The following ZIM2 variants were observed in gnomAD, a reference collection of about 807,000 sequenced individuals.
The protein encoded by ZIM2 is zinc finger imprinted 2, also known as zinc finger protein 656.
Under a neutral mutation model 38.6 loss-of-function variants are expected in ZIM2, and 14 were observed. The ratio of observed to expected loss-of-function variants is 0.36; its 90% CI spans 0.24 to 0.57. ZIM2 has a LOEUF of 0.57. Ranked by LOEUF, ZIM2 falls within the 20% of genes least tolerant of loss-of-function variation. ZIM2 has a pLI of 0.81. For synonymous variants in ZIM2, 247 were observed against 245.8 expected (o/e 1.00, Z -0.04); for missense variants, 680 against 695.1 (o/e 0.98, Z 0.24).
intron 8 of ZIM2, 147 bp downstream of exon 8, chr19:56,818,453 C>T: frequency 1.2e-6 from 1 of 850,388 alleles, no homozygotes; most frequent in South Asian, 1.9e-5. Flanking sequence ...TCATTTACTC[C>T]CTCATTTGAA....
At chr19:56,781,138 TC>T (rs1258144780) in intron 11 of ZIM2, among the ~76,000 whole-genome samples, 2 of 152,170 alleles carry the variant, frequency 1.3e-5, no homozygotes, top group African/African-American at 4.8e-5. Flanking sequence ...AAAATGTACT[TC>T]CTTGTAACCG....
chr19:56,823,825 GC>G, intron 4 of ZIM2, 146 bp from the exon 5 acceptor site: 1 of 987,872 alleles, frequency 1.0e-6, no homozygotes. Flanking sequence ...AAACCCTTCA[GC>G]GGCTTCCAAC....
chr19:56,813,686 G>A, intron 9 of ZIM2: 2 of 1,612,654 alleles, frequency 1.2e-6, no homozygotes, highest in South Asian at 1.1e-5. Context: ...CAGCCAGTGT[G>A]GGTATTCTGG....
At chr19:56,815,044 C>A in intron 9 of ZIM2, 8 of 1,614,174 alleles carry the variant, frequency 5.0e-6, no homozygotes, top group Non-Finnish European at 5.9e-6. Context: ...GTCAACCAGG[C>A]ACTTCCTGCT....
At chr19:56,790,928 T>G (rs1325095789) in intron 9 of ZIM2, 1 of 152,166 alleles carries the variant, frequency 6.6e-6, no homozygotes, top group East Asian at 1.9e-4. Context: ...TATTTTTCAC[T>G]CGTTGATCTA....
intron 10 of ZIM2, among the ~76,000 whole-genome samples, chr19:56,783,554 T>C (rs1040673292): frequency 6.6e-6 from 1 of 152,206 alleles, no homozygotes; most frequent in Non-Finnish European, 1.5e-5. Context: ...ACCATTATCC[T>C]AAGCGAACTA....
intron 9 of ZIM2, chr19:56,816,539 TCTC>T (rs1421658651): frequency 5.6e-6 from 9 of 1,613,742 alleles, no homozygotes; most frequent in Non-Finnish European, 7.6e-6. Flanking sequence ...TGAAGGAAAG[TCTC>T]CCCACACACC....
chr19:56,777,296 C>T (rs1423537694), intron 12 of ZIM2, among the ~76,000 whole-genome samples: 1 of 152,190 alleles, frequency 6.6e-6, no homozygotes, highest in East Asian at 1.9e-4. Flanking sequence ...CACTCAAGAA[C>T]GGAAGAGTAA....
intron 9 of ZIM2, chr19:56,817,404 A>G: frequency 6.2e-7 from 1 of 1,614,084 alleles, no homozygotes; most frequent in Non-Finnish European, 8.5e-7. Flanking sequence ...TCCAGTTATC[A>G]TCTGACATTC....
At chr19:56,798,192 A>G (rs1355937759) in intron 9 of ZIM2, 1 of 152,226 alleles carries the variant, frequency 6.6e-6, no homozygotes, top group African/African-American at 2.4e-5. Flanking sequence ...ATCAGGGCAA[A>G]CAAAGTTTAG....
intron 9 of ZIM2, among the ~76,000 whole-genome samples, chr19:56,790,364 AAAAATATTTAATGG>A (rs1409150752): frequency 6.6e-6 from 1 of 152,218 alleles, no homozygotes; most frequent in Non-Finnish European, 1.5e-5. Flanking sequence ...ATTGGGGGTC[AAAAATATTTAATGG>A]AAAATTCCAG....
Position 56,775,271 on chromosome 19 carries a change from T to C in ZIM2, c.1094A>G (p.Lys365Arg). ...GGCTACTTGCGTACTAAAGGTTCGT[T>C]TGCAAAATTCACATCTGTTGTGTTT... ...ENKHNRCEFC[K>R]RTFSTQVALR... The change falls in exon 13 of 13, where the codon AAA becomes AGA. Residue 365 changes from lysine to arginine, a missense_variant. Physicochemically the swap from Lys to Arg is conservative, Grantham distance 26. Transcript: ENST00000629319. 1 of 1,614,142 alleles carries C rather than the reference T, an allele frequency of 6.2e-7. No homozygotes were observed.
At chr19:56,794,748 G>A (rs1222331750) in intron 9 of ZIM2, among the ~76,000 whole-genome samples, 1 of 152,066 alleles carries the variant, frequency 6.6e-6, no homozygotes, top group African/African-American at 2.4e-5. Context: ...AAGCCCACAG[G>A]CCTAGTTTAA....
chr19:56,804,526 G>C (rs1011332612), intron 9 of ZIM2, among the ~76,000 whole-genome samples: 8 of 152,180 alleles, frequency 5.3e-5, no homozygotes, highest in Admixed American at 5.2e-4. Flanking sequence ...CCTACCTAAT[G>C]GTTATTTCCT....
chr19:56,834,885 G>C (rs558424339), intron 2 of ZIM2, among the ~76,000 whole-genome samples: 1 of 152,228 alleles, frequency 6.6e-6, no homozygotes, highest in African/African-American at 2.4e-5. Flanking sequence ...TTCACTTCTG[G>C]AGACTCTAAG....
intron 12 of ZIM2, among the ~76,000 whole-genome samples, chr19:56,775,957 T>C (rs1308570313): frequency 6.6e-6 from 1 of 151,774 alleles, no homozygotes; most frequent in Non-Finnish European, 1.5e-5. Flanking sequence ...AAAAATTAAC[T>C]GGGCATGGTG....
intron 10 of ZIM2, among the ~76,000 whole-genome samples, chr19:56,782,921 A>G (rs2145866362): frequency 6.6e-6 from 1 of 152,194 alleles, no homozygotes; most frequent in South Asian, 2.1e-4. Context: ...ATTATTGACT[A>G]TAGACTCCCT....
intron 10 of ZIM2, among the ~76,000 whole-genome samples, chr19:56,783,778 G>C (rs929206092): frequency 1.3e-5 from 2 of 152,074 alleles, no homozygotes; most frequent in Non-Finnish European, 2.9e-5. Flanking sequence ...TCTTAGCATT[G>C]TGCAATACAC....
Position 56,787,037 on chromosome 19 carries a change from T to C in ZIM2, c.570+2835A>G, listed in dbSNP as rs547957603. ...TTTTTAGTAGAGATGCGGTTTCGCA[T>C]GTTGGCCAGGCTCGTCTTCAACTCC... On this transcript the variant is annotated intron_variant, in intron 10 of 12. Transcript: ENST00000629319. 3.3e-5 allele frequency among the ~76,000 whole-genome samples: 5 copies of C among 151,232 alleles called. No individual in the cohort carries two copies. The South Asian group carries it at 6.3e-4, about 19-fold the overall frequency.
Sources: gnomAD v4.1 joint callset for allele counts (sites outside exome capture counted in the v4.1 genomes callset) on GRCh38, gnomAD v4.1.1 for gene constraint, MANE v1.5 for transcripts, NCBI Gene and HGNC (gene_info 2026-07-23, HGNC 2026-07-21) for gene names.